The following SLCO1B3 variants were observed in gnomAD, a reference collection of about 807,000 sequenced individuals.
SLCO1B3 encodes liver-specific organic anion transporter 2.
SLCO1B3 carries 72 observed loss-of-function variants against 71.8 expected under a neutral mutation model. The observed-to-expected ratio is 1.00, with a 90% CI of 0.83 to 1.22. The LOEUF (loss-of-function observed/expected upper bound fraction) is 1.22, where lower values mean the gene tolerates loss of function less well. Among genes scored for constraint, SLCO1B3 ranks in the 50% most tolerant of loss-of-function variants. SLCO1B3 has a pLI of 0.00. For missense variants in SLCO1B3, 911 were observed against 819.7 expected (o/e 1.11, Z -1.36); for synonymous variants, 298 against 278.4 (o/e 1.07, Z -0.70).
intron 8 of SLCO1B3, among the ~76,000 whole-genome samples, chr12:20,868,995 G>A (rs982173584): frequency 6.6e-6 from 1 of 152,064 alleles, no homozygotes; most frequent in African/African-American, 2.4e-5. Context: ...CAAGTGTACA[G>A]GATGGAACAT....
chr12:20,849,744 C>CACACACACAT (rs1555154701), intron 3 of SLCO1B3, among the ~76,000 whole-genome samples: 2 of 148,256 alleles, frequency 1.3e-5, no homozygotes, highest in South Asian at 2.1e-4. Flanking sequence ...CACACACACA[C>CACACACACAT]ATATTACTTG....
intron 6 of SLCO1B3, 107 bp from the exon 7 acceptor site, chr12:20,862,305 G>A: frequency 7.9e-7 from 1 of 1,265,538 alleles, no homozygotes; most frequent in Non-Finnish European, 1.1e-6. Context: ...TTGTAATTAG[G>A]AAACAAACAA....
rs769260347 is a variant in SLCO1B3, at chr12:20,901,374, T to G, written c.1772T>G (p.Phe591Cys). ...GGAGGAATTCTAGCTCCAATATATT[T>G]TGGGGCTCTGATTGATAAAACATGT... ...TLGGILAPIY[F>C]GALIDKTCMK... Residue 591 changes from phenylalanine to cysteine, a missense_variant, in exon 15 of 16, where the codon TTT becomes TGT. By Grantham distance (205) the Phe-to-Cys change is radical. Coordinates refer to ENST00000381545, the MANE Select transcript of SLCO1B3 (RefSeq NM_019844.4). 5 of 1,585,494 alleles carry G rather than the reference T, an allele frequency of 3.2e-6. No homozygotes were observed. In the African/African-American group the frequency reaches 6.8e-5, roughly 22 times the overall value.
At chr12:20,812,989 A>G (rs567076215) in intron 1 of SLCO1B3, among the ~76,000 whole-genome samples, 1 of 152,308 alleles carries the variant, frequency 6.6e-6, no homozygotes, top group East Asian at 1.9e-4. Flanking sequence ...GGGGCTGCTT[A>G]TTACCTTGAG....
chr12:20,893,148 G>A (rs1249050158), intron 13 of SLCO1B3, among the ~76,000 whole-genome samples: 1 of 152,080 alleles, frequency 6.6e-6, no homozygotes, highest in Admixed American at 6.5e-5. Context: ...AAACTTAGGA[G>A]GTAGTTATGA....
chr12:20,815,447 A>G (rs1024304088), intron 2 of SLCO1B3, among the ~76,000 whole-genome samples: 4 of 152,096 alleles, frequency 2.6e-5, no homozygotes, highest in Admixed American at 6.6e-5. Flanking sequence ...ATTTCTCTCT[A>G]TGAAAATTAT....
intron 3 of SLCO1B3, among the ~76,000 whole-genome samples, chr12:20,852,977 A>G (rs1310444053): frequency 1.3e-5 from 2 of 151,966 alleles, no homozygotes; most frequent in Non-Finnish European, 2.9e-5. Context: ...TAATGTTAGG[A>G]GTGGGCATCT....
chr12:20,855,157 A>G lies in SLCO1B3; in HGVS notation c.214A>G (p.Ser72Gly), dbSNP rs777132805. 3.7e-6 allele frequency: 6 copies of G among 1,606,584 alleles called. No individual in the cohort carries two copies. The Admixed American group carries it at 5.2e-5, about 14-fold the overall frequency. ...TTCTCTTGCTGGTTTAATTGATGGA[A>G]GCTTTGAAATTGGTAACTTTTATTT... Reference protein sequence around the residue: ...SSSLAGLIDGSFEIGNLLVIV... With the variant: ...SSSLAGLIDGGFEIGNLLVIV... Residue 72 changes from serine (S) to glycine (G), a missense_variant, in exon 4 of 16, where the codon AGC (serine) becomes GGC (glycine). Physicochemically the swap from Ser to Gly is moderately conservative, Grantham distance 56. Transcript: ENST00000381545.
At chr12:20,887,306 T>C (rs570677547) in intron 13 of SLCO1B3, among the ~76,000 whole-genome samples, 50 of 152,122 alleles carry the variant, frequency 3.3e-4, no homozygotes, top group African/African-American at 9.6e-4. Context: ...CTGTTTTCCA[T>C]AGAGGTTTTA....
chr12:20,858,907 G>A (rs1028176366), intron 5 of SLCO1B3: 1 of 158,004 alleles, frequency 6.3e-6, no homozygotes, highest in Non-Finnish European at 1.4e-5. Flanking sequence ...CCTCAGTAAG[G>A]CTTCACAACT....
chr12:20,841,884 GTT>G (rs57925057), intron 3 of SLCO1B3, among the ~76,000 whole-genome samples: 8,162 of 132,010 alleles, frequency 0.062, 265 homozygotes, highest in East Asian at 0.19. Flanking sequence ...GTTGGATGTA[GTT>G]TTTTTTTTTT....
intron 3 of SLCO1B3, among the ~76,000 whole-genome samples, chr12:20,835,130 C>T (rs183106885): frequency 2.0e-5 from 3 of 152,268 alleles, no homozygotes; most frequent in East Asian, 1.9e-4. Context: ...ACCTTGGCCC[C>T]TTTTAGCCAT....
chr12:20,821,133 G>A (rs1864295312), intron 3 of SLCO1B3, among the ~76,000 whole-genome samples: 1 of 152,136 alleles, frequency 6.6e-6, no homozygotes, highest in South Asian at 2.1e-4. Flanking sequence ...GAGGGGACAG[G>A]CGGGAGGGAA....
intron 8 of SLCO1B3, among the ~76,000 whole-genome samples, chr12:20,873,724 C>G (rs768223625): frequency 2.0e-5 from 3 of 152,124 alleles, no homozygotes; most frequent in African/African-American, 4.8e-5. Context: ...GGTATTAAGT[C>G]CCACATGCAT....
chr12:20,899,463 G>A (rs1342027649), intron 14 of SLCO1B3, among the ~76,000 whole-genome samples: 1 of 152,144 alleles, frequency 6.6e-6, no homozygotes, highest in Non-Finnish European at 1.5e-5. Context: ...TAACTCTATG[G>A]CCAAATTACC....
rs1462326624 is a variant in SLCO1B3, at chr12:20,907,451, T to C, written c.1865+5984T>C. On this transcript the variant is annotated intron_variant, in intron 15 of 15. Coordinates refer to ENST00000381545, the MANE Select transcript of SLCO1B3 (RefSeq NM_019844.4). ...TTCTTCCTCCCCCTTCCCTTCCCCT[T>C]CCTTCCCCTCCCTTCCCCTTCCCCT... Among the ~76,000 whole-genome samples the C allele has an allele frequency of 2.8e-5, 3 of 109,034 alleles. 1 individual carries two copies. The highest frequency in any genetic ancestry group is 4.0e-4 in the South Asian group (1 of 2,520). The allele number at this position is 109,034 out of a possible 152,430, so 71.5% of individuals were successfully genotyped here.
At position 20,880,889 on chromosome 12, in the gene SLCO1B3, C is replaced by T. The variant is rs61736817; in HGVS notation, c.1366C>T (p.Leu456Phe). The T allele has an allele frequency of 6.2e-4, 992 of 1,609,592 alleles. 2 individuals carry two copies. The highest frequency in any genetic ancestry group is 5.6e-4 in the Non-Finnish European group (660 of 1,176,580). Residue 456 changes from leucine to phenylalanine, a missense_variant, in exon 12 of 16, where the codon CTT becomes TTT. Coordinates refer to ENST00000381545, the MANE Select transcript of SLCO1B3 (RefSeq NM_019844.4). ...AGTGGCATCTCATGTAGATGTACCA[C>T]TTTCTTATTGCAACTCAGAGTGCAA... ...NSVASHVDVP[L>F]SYCNSECNCD...
intron 15 of SLCO1B3, among the ~76,000 whole-genome samples, chr12:20,903,642 AACTC>A (rs1213791199): frequency 1.3e-5 from 2 of 152,160 alleles, no homozygotes; most frequent in African/African-American, 4.8e-5. Flanking sequence ...ACCTCATGAG[AACTC>A]ACTCACTATC....
At chr12:20,830,064 C>A (rs1864507168) in intron 3 of SLCO1B3, among the ~76,000 whole-genome samples, 1 of 152,090 alleles carries the variant, frequency 6.6e-6, no homozygotes, top group Non-Finnish European at 1.5e-5. Flanking sequence ...GGACTGCAGC[C>A]CAGTAGGTTT....
Sources: allele counts gnomAD v4.1 joint callset (sites outside exome capture counted in the v4.1 genomes callset), GRCh38; gene constraint gnomAD v4.1.1; transcripts MANE v1.5; gene names NCBI Gene and HGNC (gene_info 2026-07-23, HGNC 2026-07-21).